SLC16A9: variants seen among roughly 807,000 people sequenced by gnomAD.
SLC16A9 encodes the protein monocarboxylate transporter 9.
SLC16A9 carries 26 observed loss-of-function variants against 44.3 expected under a neutral mutation model. That is an observed-to-expected ratio of 0.59 (90% CI 0.43 to 0.81). The LOEUF is 0.81. SLC16A9 is among the 40% of genes least tolerant of loss of function. SLC16A9 has a pLI of 0.00. For missense variants in SLC16A9, 559 were observed against 595.8 expected (o/e 0.94, Z 0.64); for synonymous variants, 230 against 225.1 (o/e 1.02, Z -0.19).
chr10:59,673,937 C>T (rs1839805501), intron 2 of SLC16A9, among the ~76,000 whole-genome samples: 1 of 152,100 alleles, frequency 6.6e-6, no homozygotes, highest in Admixed American at 6.6e-5. Flanking sequence ...AAGTACAACC[C>T]ATATACTTTC....
intron 4 of SLC16A9, among the ~76,000 whole-genome samples, chr10:59,660,608 A>T (rs974977134): frequency 1.3e-5 from 2 of 152,208 alleles, no homozygotes; most frequent in African/African-American, 4.8e-5. Context: ...TTCTAAAACT[A>T]TTCCAAACAA....
chr10:59,706,644 C>CACACACACACAG (rs1256583887), intron 1 of SLC16A9, among the ~76,000 whole-genome samples: 1 of 151,882 alleles, frequency 6.6e-6, no homozygotes. Context: ...CACACACACA[C>CACACACACACAG]ACACACACAA....
At chr10:59,703,012 G>A (rs1485652999) in intron 1 of SLC16A9, among the ~76,000 whole-genome samples, 1 of 152,160 alleles carries the variant, frequency 6.6e-6, no homozygotes, top group Non-Finnish European at 1.5e-5. Flanking sequence ...ACATTAAGAT[G>A]GAAAGGCAGA....
At chr10:59,664,364 A>AAGTAATGCAG in intron 3 of SLC16A9, 42 bp from the exon 4 acceptor site, 1 of 1,333,480 alleles carries the variant, frequency 7.5e-7, no homozygotes, top group Non-Finnish European at 1.1e-6. Flanking sequence ...ACGCTGCATT[A>AAGTAATGCAG]CTTCAATGCA....
At chr10:59,662,904 A>G (rs1839514760) in intron 4 of SLC16A9, among the ~76,000 whole-genome samples, 3 of 152,138 alleles carry the variant, frequency 2.0e-5, no homozygotes, top group African/African-American at 7.2e-5. Flanking sequence ...TAGAAATACC[A>G]TTTGACCCAG....
chr10:59,704,128 T>C (rs1403886828), intron 1 of SLC16A9, among the ~76,000 whole-genome samples: 1 of 152,114 alleles, frequency 6.6e-6, no homozygotes, highest in Non-Finnish European at 1.5e-5. Flanking sequence ...CATTCTTACA[T>C]AACAATTAAC....
At chr10:59,653,078 G>GGAAGTA in intron 5 of SLC16A9, 128 bp from the exon 6 acceptor site, 1 of 619,448 alleles carries the variant, frequency 1.6e-6, no homozygotes, top group Non-Finnish European at 2.5e-6. Context: ...CTTCCAGCGT[G>GGAAGTA]GTTTACTGGG....
At chr10:59,675,435 A>G (rs1002462951) in intron 2 of SLC16A9, among the ~76,000 whole-genome samples, 1 of 152,196 alleles carries the variant, frequency 6.6e-6, no homozygotes, top group Non-Finnish European at 1.5e-5. Context: ...CTCACCCAGG[A>G]ATTTCCAGTA....
intron 1 of SLC16A9, among the ~76,000 whole-genome samples, chr10:59,697,699 C>T (rs1427009483): frequency 6.7e-6 from 1 of 148,150 alleles, no homozygotes; most frequent in African/African-American, 2.5e-5. Flanking sequence ...GCCAAATCCC[C>T]CTCTGCGAGA....
At chr10:59,693,940 T>C (rs1205720576) in intron 1 of SLC16A9, among the ~76,000 whole-genome samples, 1 of 145,958 alleles carries the variant, frequency 6.9e-6, no homozygotes, top group Admixed American at 7.0e-5. Flanking sequence ...TATTTATTTA[T>C]TTATTTATTT....
chr10:59,656,263 G>A (rs1209595679), intron 4 of SLC16A9, among the ~76,000 whole-genome samples: 1 of 152,206 alleles, frequency 6.6e-6, no homozygotes, highest in East Asian at 1.9e-4. Flanking sequence ...GTGACCTCAT[G>A]TACTGCATTA....
chr10:59,705,229 A>C (rs892754564), intron 1 of SLC16A9, among the ~76,000 whole-genome samples: 1 of 152,118 alleles, frequency 6.6e-6, no homozygotes, highest in Non-Finnish European at 1.5e-5. Context: ...GTGTAAGATA[A>C]AATTAATCCA....
In SLC16A9 at chr10:59,684,242, A is replaced by G. The variant is rs1840084676; in HGVS notation, c.50T>C (p.Phe17Ser). Reference sequence around the variant, plus strand: ...CAAAAACTGAGTAAGGAAGGAGACAAACACAATCACCCAGCCCCATCCACC... The same window carrying G: ...CAAAAACTGAGTAAGGAAGGAGACAGACACAATCACCCAGCCCCATCCACC... The part of the protein sequence containing the change: ...PDGGWGWVIV[F>S]VSFLTQFLCY... The change falls in exon 2 of 6, where the codon TTT becomes TCT. Residue 17 changes from phenylalanine to serine, a missense_variant. By Grantham distance (155) the Phe-to-Ser change is radical (BLOSUM62 -2). Transcript: ENST00000395348. 6.2e-7 allele frequency: 1 copy of G among 1,614,012 alleles called. No individual in the cohort carries two copies. The highest frequency in any genetic ancestry group is 1.3e-5 in the African/African-American group (1 of 74,926).
intron 4 of SLC16A9, among the ~76,000 whole-genome samples, chr10:59,659,243 T>A (rs1008338791): frequency 6.6e-6 from 1 of 152,148 alleles, no homozygotes; most frequent in Admixed American, 6.6e-5. Context: ...GATATGCACG[T>A]AGGTCAGTGA....
At chr10:59,701,375 C>T (rs190250371) in intron 1 of SLC16A9, among the ~76,000 whole-genome samples, 92 of 152,312 alleles carry the variant, frequency 6.0e-4, no homozygotes, top group Admixed American at 3.8e-3. Flanking sequence ...CTTCCTAAAC[C>T]GTGGCTCTCT....
intron 4 of SLC16A9, among the ~76,000 whole-genome samples, chr10:59,657,355 T>G (rs1394546005): frequency 6.6e-6 from 1 of 152,230 alleles, no homozygotes. Context: ...CTTCATTTCA[T>G]GCCCACATTC....
At chr10:59,707,273 AGGAGGGAAGGGAAGGGAAGG>A (rs1564716819) in intron 1 of SLC16A9, among the ~76,000 whole-genome samples, 10 of 88,280 alleles carry the variant, frequency 1.1e-4, no homozygotes, top group African/African-American at 1.5e-4. Context: ...GGGAGGGGAG[AGGAGGGAAGGGAAGGGAAGG>A]GAAGGGAAGG....
chr10:59,654,208 G>T lies in SLC16A9; in HGVS notation c.818C>A (p.Ala273Glu). Reference sequence around the variant, plus strand: ...CTGTTTGCAAAAATATGTCTGTTCTGCAACTTTCTTTTTGTACGTTTCAGG... The same window carrying T: ...CTGTTTGCAAAAATATGTCTGTTCTTCAACTTTCTTTTTGTACGTTTCAGG... ...KEPETYKKKV[A>E]EQTYFCKQLA... The change falls in exon 5 of 6, where the codon GCA becomes GAA. Residue 273 changes from alanine (A) to glutamate (E), a missense_variant. Ala to Glu is a moderately radical substitution (Grantham distance 107, BLOSUM62 -1). Coordinates refer to ENST00000395348, the MANE Select transcript of SLC16A9 (RefSeq NM_194298.3). The T allele has an allele frequency of 6.2e-7, 1 of 1,614,056 alleles. No homozygotes were observed. Among genetic ancestry groups the T allele is most frequent in the Non-Finnish European group, 8.5e-7 (1 of 1,180,002 alleles).
chr10:59,663,529 G>T (rs1839532348), intron 4 of SLC16A9, among the ~76,000 whole-genome samples: 1 of 150,632 alleles, frequency 6.6e-6, no homozygotes, highest in Non-Finnish European at 1.5e-5. Context: ...AACACCACAT[G>T]TTCTCACTGA....
Sources: gnomAD v4.1 joint callset for allele counts (sites outside exome capture counted in the v4.1 genomes callset) on GRCh38, gnomAD v4.1.1 for gene constraint, MANE v1.5 for transcripts, NCBI Gene and HGNC (gene_info 2026-07-23, HGNC 2026-07-21) for gene names.